The following CIITA variants were observed in gnomAD, a reference collection of about 807,000 sequenced individuals.
CIITA encodes MHC class II transactivator.
A neutral mutation model predicts 115.1 loss-of-function variants in CIITA; 72 were observed. The ratio of observed to expected loss-of-function variants is 0.63; its 90% CI spans 0.52 to 0.76. The LOEUF (loss-of-function observed/expected upper bound fraction) is 0.76. Ranked by LOEUF, CIITA falls within the 30% of genes least tolerant of loss-of-function variation. The pLI, the probability that CIITA is intolerant of heterozygous loss-of-function variation, is 0.00. For synonymous variants in CIITA, 763 were observed against 635.6 expected (o/e 1.20, Z -3.02); for missense variants, 1,617 against 1,463.8 (o/e 1.10, Z -1.71).
At chr16:10,917,257 C>A (rs149746771) in intron 15 of CIITA, among the ~76,000 whole-genome samples, 1 of 151,160 alleles carries the variant, frequency 6.6e-6, no homozygotes, top group Non-Finnish European at 1.5e-5. Context: ...CTCACTGCAG[C>A]CTCAATCTCC....
chr16:10,912,843 C>A (rs991404889), intron 13 of CIITA, among the ~76,000 whole-genome samples: 2 of 152,166 alleles, frequency 1.3e-5, no homozygotes, highest in African/African-American at 4.8e-5. Flanking sequence ...GACCGGAAGC[C>A]CCCGAGGAGG....
chr16:10,907,664 G>C lies in CIITA; in HGVS notation c.2172G>C (p.Leu724=), dbSNP rs2039268530. Reference sequence around the variant, plus strand: ...TCCTGGGGGCCCTGTGGCTGGCTCTGAGTGGCGAAATCAAGGACAAGGAGC... The same window carrying C: ...TCCTGGGGGCCCTGTGGCTGGCTCTCAGTGGCGAAATCAAGGACAAGGAGC... ...QCFLGALWLA[L]SGEIKDKELP... The change falls in exon 11 of 20, where the codon CTG becomes CTC. Residue 724 remains leucine (L), a synonymous_variant. Coordinates refer to ENST00000324288, the MANE Select transcript of CIITA (RefSeq NM_000246.4). This position sits in a 1 kb window ranked among gnomAD's most constrained non-coding sequence, Gnocchi z 5.0. The C allele has an allele frequency of 1.2e-6, 2 of 1,614,116 alleles. No individual in the cohort carries two copies.
chr16:10,907,092 CAGA>C lies in CIITA; in HGVS notation c.1606_1608del (p.Lys536del). On this transcript the variant is annotated inframe_deletion, in exon 11 of 20. Transcript: ENST00000324288. The surrounding 1 kb of genome is among the most constrained non-coding windows in gnomAD (Gnocchi z 5.0). The stretch of plus-strand genomic sequence containing the variant: ...CCGGGGGCTGCTGGCCGGCCTTTTC[CAGA>C]AGAAGCTGCTCCGAGGTTGCACCCT... The C allele has an allele frequency of 6.2e-7, 1 of 1,609,072 alleles. No individual in the cohort carries two copies.
chr16:10,879,046 G>A lies in CIITA; in HGVS notation c.52+1664G>A, dbSNP rs1459597892. ...CGCGGGAGCCCGGGGAACAGCGGTAGGTGACCAAAGTCTCCTCTGTAACCC... is the reference window on the plus strand; with the variant it reads ...CGCGGGAGCCCGGGGAACAGCGGTAAGTGACCAAAGTCTCCTCTGTAACCC... On this transcript the variant is annotated intron_variant, in intron 1 of 19. Coordinates refer to ENST00000324288, the MANE Select transcript of CIITA (RefSeq NM_000246.4). This position sits in a 1 kb window ranked among gnomAD's most constrained non-coding sequence, Gnocchi z 4.3. 4.7e-6 allele frequency: 1 copy of A among 212,162 alleles called. No individual in the cohort carries two copies. Among genetic ancestry groups the A allele is most frequent in the Non-Finnish European group, 9.5e-6 (1 of 104,856 alleles). 13.1% of individuals were successfully genotyped at this position (212,162 alleles called of 1,614,324 possible).
intron 1 of CIITA, 125 bp from the exon 2 acceptor site, chr16:10,895,157 T>C (rs2144269267): frequency 9.0e-7 from 1 of 1,114,068 alleles, no homozygotes; most frequent in Non-Finnish European, 1.3e-6. Context: ...TAAGAGGTGC[T>C]GAATGAGCGC....
Position 10,923,564 on chromosome 16 carries a change from C to T in CIITA, c.*22+239C>T, listed in dbSNP as rs987854879. Among the ~76,000 whole-genome samples the T allele has an allele frequency of 6.6e-6, 1 of 152,114 alleles. No individual in the cohort carries two copies. The highest frequency in any genetic ancestry group is 1.5e-5 in the Non-Finnish European group (1 of 68,010). On this transcript the variant is annotated intron_variant, in intron 19 of 19. Coordinates refer to ENST00000324288, the MANE Select transcript of CIITA (RefSeq NM_000246.4). This position sits in a 1 kb window ranked among gnomAD's most constrained non-coding sequence, Gnocchi z 5.2. Reference sequence around the variant, plus strand: ...GAGATCAGGGGACAGGAAAGTTGGCCATCCACATCCCACAGCCTCAGTGCT... The same window carrying T: ...GAGATCAGGGGACAGGAAAGTTGGCTATCCACATCCCACAGCCTCAGTGCT...
chr16:10,936,579 T>C (rs1232645304), downstream of CIITA: 1 of 152,226 alleles, frequency 6.6e-6, no homozygotes, highest in Non-Finnish European at 1.5e-5. Context: ...TTTCTGTAAG[T>C]GTGAAATTAC....
chr16:10,878,647 C>G (rs1422400611), intron 1 of CIITA, among the ~76,000 whole-genome samples: 1 of 152,206 alleles, frequency 6.6e-6, no homozygotes, highest in East Asian at 1.9e-4. Context: ...CAGAGACCCA[C>G]CCAGGGGTGG....
At position 10,922,039 on chromosome 16, in the gene CIITA, A is replaced by G. The variant is rs1167182403; in HGVS notation, c.3150-128A>G. On this transcript the variant is annotated intron_variant, in intron 16 of 19. Transcript: ENST00000324288. The stretch of plus-strand genomic sequence containing the variant: ...GCACAATGCCAGGCTCTGTTGTGCA[A>G]TAAATATTGATTCCTTCCCCCAGGG... The G allele has an allele frequency of 3.6e-6, 3 of 829,204 alleles. No individual in the cohort carries two copies. In the East Asian group the frequency reaches 7.3e-5, roughly 20 times the overall value. 51.4% of individuals were successfully genotyped at this position (829,204 alleles called of 1,614,324 possible). A position where few individuals can be genotyped will look rare whatever the true frequency, so the allele number is the denominator to read the frequency against.
At chr16:10,894,143 C>T (rs549469027) in intron 1 of CIITA, among the ~76,000 whole-genome samples, 34 of 152,194 alleles carry the variant, frequency 2.2e-4, no homozygotes, top group African/African-American at 4.6e-4. Context: ...TGAGCCACCA[C>T]GCCCCACCCC....
In CIITA at chr16:10,901,654, T is replaced by A; in HGVS notation, c.481+96T>A. ...CCTGGCCCAAGTCTGATGGGGATGGTGCATGGTGCAGCCCCTGCCCTTCTT... is the reference window on the plus strand; with the variant it reads ...CCTGGCCCAAGTCTGATGGGGATGGAGCATGGTGCAGCCCCTGCCCTTCTT... On this transcript the variant is annotated intron_variant, in intron 6 of 19. Transcript: ENST00000324288. The surrounding 1 kb of genome is among the most constrained non-coding windows in gnomAD (Gnocchi z 6.8). The A allele has an allele frequency of 7.7e-7, 1 of 1,300,834 alleles. No individual in the cohort carries two copies. The highest frequency in any genetic ancestry group is 1.1e-6 in the Non-Finnish European group (1 of 918,702). 80.6% of individuals were successfully genotyped at this position (1,300,834 alleles called of 1,614,324 possible). A position where few individuals can be genotyped will look rare whatever the true frequency, so the allele number is the denominator to read the frequency against.
rs765551597 is a variant in CIITA at position 10,895,400 on chromosome 16, T to C, written c.171T>C (p.Ala57=). 2.5e-6 allele frequency: 4 copies of C among 1,613,940 alleles called. No individual in the cohort carries two copies. The highest frequency in any genetic ancestry group is 3.4e-6 in the Non-Finnish European group (4 of 1,180,032). Reference sequence around the variant, plus strand: ...ACTTCTATGACCAGATGGACCTGGCTGGAGAAGAAGAGATTGAGCTCTACT... The same window carrying C: ...ACTTCTATGACCAGATGGACCTGGCCGGAGAAGAAGAGATTGAGCTCTACT... ...LYHFYDQMDL[A]GEEEIELYSE... Residue 57 remains alanine, a synonymous_variant, in exon 2 of 20, where the codon GCT becomes GCC. Coordinates refer to ENST00000324288, the MANE Select transcript of CIITA (RefSeq NM_000246.4).
At chr16:10,896,323 G>T (rs988028790) in intron 3 of CIITA, among the ~76,000 whole-genome samples, 1 of 152,228 alleles carries the variant, frequency 6.6e-6, no homozygotes, top group African/African-American at 2.4e-5. Flanking sequence ...GTACAGATCT[G>T]AAATTCTAAC....
chr16:10,923,216 C>T lies in CIITA; in HGVS notation c.3318-12C>T, dbSNP rs375205710. 1.8e-5 allele frequency: 29 copies of T among 1,611,802 alleles called. No individual in the cohort carries two copies. The East Asian group carries it at 4.7e-4, about 26-fold the overall frequency. ...CCTCTAACCTGGCTCTGAGTCCCAT[C>T]CCCCCTTGCAGGATGTGGACGCCCA... On this transcript the variant is annotated splice_polypyrimidine_tract_variant and intron_variant, in intron 18 of 19. Transcript: ENST00000324288. The surrounding 1 kb of genome is among the most constrained non-coding windows in gnomAD (Gnocchi z 5.2).
At chr16:10,897,581 G>A (rs1213197027) in intron 3 of CIITA, among the ~76,000 whole-genome samples, 1 of 152,180 alleles carries the variant, frequency 6.6e-6, no homozygotes, top group African/African-American at 2.4e-5. Flanking sequence ...CTTCTGGAAG[G>A]TGAAGCCCAG....
Position 10,897,539 on chromosome 16 carries a change from T to C in CIITA, c.296-1131T>C, listed in dbSNP as rs367565915. ...GTCATAACAGGCAGCTTCACCCAAG[T>C]CTGCTCCTCAAGTCTGTGGGTTTTC... On this transcript the variant is annotated intron_variant, in intron 3 of 19. Transcript: ENST00000324288. Among the ~76,000 whole-genome samples, 59 of 152,308 alleles carry C rather than the reference T, an allele frequency of 3.9e-4. No individual in the cohort carries two copies. In the East Asian group the frequency reaches 6.9e-3, roughly 18 times the overall value.
chr16:10,877,874 T>A (rs1042971091), intron 1 of CIITA, among the ~76,000 whole-genome samples: 3 of 152,094 alleles, frequency 2.0e-5, no homozygotes, highest in African/African-American at 7.2e-5. Flanking sequence ...CCCAGTTTCC[T>A]AATGGTGTTG....
chr16:10,884,350 G>A (rs141566765), intron 1 of CIITA, among the ~76,000 whole-genome samples: 264 of 152,336 alleles, frequency 1.7e-3, no homozygotes, highest in African/African-American at 5.9e-3. Flanking sequence ...GCAGGCAGGT[G>A]TCAGCAGGGA....
chr16:10,900,080 C>G (rs1336458329), intron 5 of CIITA, among the ~76,000 whole-genome samples: 1 of 151,966 alleles, frequency 6.6e-6, no homozygotes, highest in Non-Finnish European at 1.5e-5. Context: ...GACTCTGTCT[C>G]AAACAACAAC....
Sources: gnomAD v4.1 joint callset for allele counts (sites outside exome capture counted in the v4.1 genomes callset) on GRCh38, gnomAD v4.1.1 for gene constraint, Gnocchi (gnomAD v3.1) non-coding constraint, MANE v1.5 for transcripts, NCBI Gene and HGNC (gene_info 2026-07-23, HGNC 2026-07-21) for gene names.